The following FIG4 variants were observed in gnomAD, a reference collection of about 807,000 sequenced individuals.
FIG4 encodes polyphosphoinositide phosphatase.
A neutral mutation model predicts 118.6 loss-of-function variants in FIG4; 112 were observed. The observed-to-expected ratio is 0.94, with a 90% CI of 0.81 to 1.11. The LOEUF (loss-of-function observed/expected upper bound fraction) is 1.11. FIG4 is among the 50% of genes least tolerant of loss of function. The pLI is 0.00. For missense variants in FIG4, 969 were observed against 1,111.7 expected (o/e 0.87, Z 1.83); for synonymous variants, 369 against 381.2 (o/e 0.97, Z 0.37).
At chr6:109,731,623 A>G (rs1675870714) in intron 4 of FIG4, among the ~76,000 whole-genome samples, 1 of 152,208 alleles carries the variant, frequency 6.6e-6, no homozygotes, top group African/African-American at 2.4e-5. Flanking sequence ...GAGTATAACA[A>G]CTATAGAATT....
At chr6:109,721,017 T>C (rs1775590758) in intron 3 of FIG4, among the ~76,000 whole-genome samples, 1 of 152,210 alleles carries the variant, frequency 6.6e-6, no homozygotes, top group South Asian at 2.1e-4. Flanking sequence ...CCAGCTCCTT[T>C]TGATACACAG....
At chr6:109,731,384 A>G (rs1180407322) in intron 4 of FIG4, among the ~76,000 whole-genome samples, 2 of 152,294 alleles carry the variant, frequency 1.3e-5, no homozygotes, top group East Asian at 3.9e-4. Flanking sequence ...GAAAACATGC[A>G]TGGGATGCTC....
In FIG4 at chr6:109,775,023, T is replaced by C. The variant is rs1475460993; in HGVS notation, c.1751-1899T>C. 2.0e-5 allele frequency among the ~76,000 whole-genome samples: 3 copies of C among 152,244 alleles called. No homozygotes were observed. In the East Asian group the frequency reaches 5.8e-4, roughly 29 times the overall value. ...TATATTTAAACCTGATCTATTTAAA[T>C]GTAGTCAGTAGTAAAATTGGCTAAT... is the stretch of plus-strand genomic sequence containing the variant. On this transcript the variant is annotated intron_variant, in intron 15 of 22. Coordinates refer to ENST00000230124, the MANE Select transcript of FIG4 (RefSeq NM_014845.6).
At chr6:109,712,633 G>A (rs1775302312) in intron 1 of FIG4, among the ~76,000 whole-genome samples, 2 of 152,088 alleles carry the variant, frequency 1.3e-5, no homozygotes, top group Non-Finnish European at 2.9e-5. Flanking sequence ...TGTCTGTCAT[G>A]TTTTATCATG....
chr6:109,741,444 A>C lies in FIG4; in HGVS notation c.776A>C (p.Lys259Thr), dbSNP rs1045259801. 9.4e-6 allele frequency: 15 copies of C among 1,600,014 alleles called. No homozygotes were observed. The highest frequency in any genetic ancestry group is 1.3e-5 in the Non-Finnish European group (15 of 1,167,392). ...AAACAACCTTAACTTGATTTCCAAG[A>C]GCTGTTGATCTATGGACGACCAGTG... is the stretch of plus-strand genomic sequence containing the variant. ...YIIHGFCGQS[K>T]LLIYGRPVYV... Residue 259 changes from lysine to threonine, a missense_variant and splice_region_variant, in exon 8 of 23, where the codon AAG becomes ACG. Coordinates refer to ENST00000230124, the MANE Select transcript of FIG4 (RefSeq NM_014845.6).
At chr6:109,717,431 G>C (rs185576732) in intron 3 of FIG4, among the ~76,000 whole-genome samples, 252 of 152,260 alleles carry the variant, frequency 1.7e-3, no homozygotes, top group African/African-American at 5.9e-3. Flanking sequence ...GTCCCTCCTT[G>C]TGGTGAATCA....
chr6:109,743,889 AT>A (rs1299117205), intron 10 of FIG4, 117 bp downstream of exon 10: 1 of 790,074 alleles, frequency 1.3e-6, no homozygotes, highest in Non-Finnish European at 2.2e-6. Context: ...AGACGTGCAG[AT>A]TATTATGCTG....
At chr6:109,735,555 A>G (rs1420946270) in intron 6 of FIG4, among the ~76,000 whole-genome samples, 2 of 152,158 alleles carry the variant, frequency 1.3e-5, no homozygotes, top group Admixed American at 6.6e-5. Context: ...TTTATTGAAT[A>G]CATTCAAGCC....
At chr6:109,764,004 G>C (rs777113777) in intron 13 of FIG4, 22 bp downstream of exon 13, 1 of 1,507,012 alleles carries the variant, frequency 6.6e-7, no homozygotes, top group Non-Finnish European at 9.2e-7. Context: ...ATTACAATTC[G>C]TAATGAATAG....
intron 1 of FIG4, among the ~76,000 whole-genome samples, chr6:109,707,538 G>A (rs569179039): frequency 2.9e-4 from 44 of 151,546 alleles, no homozygotes; most frequent in African/African-American, 1.0e-3. Context: ...AAGTGTTCAT[G>A]TTGTAATATA....
intron 10 of FIG4, among the ~76,000 whole-genome samples, chr6:109,744,803 C>T (rs183834346): frequency 6.6e-6 from 1 of 151,508 alleles, no homozygotes; most frequent in South Asian, 2.1e-4. Context: ...CCCCCACCCC[C>T]CAACAGGCCC....
intron 22 of FIG4, among the ~76,000 whole-genome samples, chr6:109,808,373 A>AG (rs1491077710): frequency 6.9e-6 from 1 of 144,164 alleles, no homozygotes; most frequent in Non-Finnish European, 1.5e-5. Context: ...AAAAAAAAAA[A>AG]AGAGAGAAGA....
intron 18 of FIG4, among the ~76,000 whole-genome samples, chr6:109,788,588 C>G (rs534743660): frequency 1.2e-4 from 18 of 152,256 alleles, no homozygotes; most frequent in African/African-American, 4.3e-4. Flanking sequence ...GAAAGTACCA[C>G]GAGGATTGAT....
intron 18 of FIG4, among the ~76,000 whole-genome samples, chr6:109,788,275 T>G (rs1356524618): frequency 6.6e-6 from 1 of 152,222 alleles, no homozygotes; most frequent in Non-Finnish European, 1.5e-5. Flanking sequence ...AGCTCATGCC[T>G]GAATGAAGCT....
intron 1 of FIG4, among the ~76,000 whole-genome samples, chr6:109,710,824 AT>A (rs1444395347): frequency 1.3e-5 from 2 of 151,864 alleles, no homozygotes; most frequent in Non-Finnish European, 2.9e-5. Flanking sequence ...CAGCGTTAAT[AT>A]CCCCCTTGTT....
chr6:109,824,896 T>C (rs1158868450), intron 22 of FIG4, among the ~76,000 whole-genome samples, 192 bp from the exon 23 acceptor site: 2 of 152,118 alleles, frequency 1.3e-5, no homozygotes, highest in Non-Finnish European at 2.9e-5. Context: ...CCCAGAGGTG[T>C]TGGTCCAGCT....
chr6:109,748,663 A>G (rs1776582710), intron 10 of FIG4, among the ~76,000 whole-genome samples: 1 of 152,162 alleles, frequency 6.6e-6, no homozygotes, highest in Non-Finnish European at 1.5e-5. Context: ...TGGGTAATTT[A>G]TAAAGAAAAA....
At chr6:109,735,371 C>G (rs1356049104) in intron 6 of FIG4, 73 bp downstream of exon 6, 3 of 1,382,016 alleles carry the variant, frequency 2.2e-6, no homozygotes, top group African/African-American at 1.4e-5. Context: ...AATTCACTCA[C>G]ATTTCCCTCA....
intron 3 of FIG4, among the ~76,000 whole-genome samples, chr6:109,720,474 CAT>C (rs1341723191): frequency 5.9e-5 from 9 of 152,300 alleles, no homozygotes; most frequent in Non-Finnish European, 1.0e-4. Flanking sequence ...ATTTAGTACA[CAT>C]GTCATGAGAA....
Sources: gnomAD v4.1 joint callset for allele counts (sites outside exome capture counted in the v4.1 genomes callset) on GRCh38, gnomAD v4.1.1 for gene constraint, MANE v1.5 for transcripts, NCBI Gene and HGNC (gene_info 2026-07-23, HGNC 2026-07-21) for gene names.